Variants in UNC5D observed in about 807,000 individuals in gnomAD.
UNC5D encodes the protein netrin receptor UNC5D.
UNC5D carries 39 observed loss-of-function variants against 105.4 expected under a neutral mutation model. The observed-to-expected ratio is 0.37, with a 90% CI of 0.29 to 0.48. The LOEUF (loss-of-function observed/expected upper bound fraction) is 0.48. UNC5D is among the 20% of genes least tolerant of loss of function. The pLI is 0.98. For synonymous variants in UNC5D, 452 were observed against 450.4 expected, an observed-to-expected ratio of 1.00 and a Z score of -0.04; for missense variants, 991 against 1,202.4, an observed-to-expected ratio of 0.82 and a Z score of 2.60.
rs1803230739 is a variant in UNC5D at position 35,795,786 on chromosome 8, A to G, written c.*5223A>G. 6.6e-6 allele frequency: 1 copy of G among 152,186 alleles called. No individual in the cohort carries two copies. The allele number at this position is 152,186 out of a possible 1,614,324, so 9.4% of individuals were successfully genotyped here. A position where few individuals can be genotyped will look rare whatever the true frequency, so the allele number is the denominator to read the frequency against. On this transcript the variant is annotated 3_prime_UTR_variant, in exon 17 of 17. Coordinates refer to ENST00000404895, the MANE Select transcript of UNC5D (RefSeq NM_080872.4). ...CAGAATCTGGGAATTTTCTGGTTGG[A>G]AGAACAATGTTCTCCTTTTCCAAAT...
At chr8:35,285,208 G>C (rs1383071751) in intron 1 of UNC5D, among the ~76,000 whole-genome samples, 1 of 152,188 alleles carries the variant, frequency 6.6e-6, no homozygotes, top group Admixed American at 6.5e-5. Flanking sequence ...CAGTGCAGTA[G>C]TGTCCTTGTT....
At chr8:35,715,344 A>T (rs1304200130) in intron 8 of UNC5D, among the ~76,000 whole-genome samples, 1 of 152,210 alleles carries the variant, frequency 6.6e-6, no homozygotes, top group Non-Finnish European at 1.5e-5. Context: ...CACACAAGGT[A>T]CTATCAATAG....
intron 8 of UNC5D, among the ~76,000 whole-genome samples, chr8:35,706,855 C>T (rs181757265): frequency 3.9e-5 from 6 of 152,246 alleles, no homozygotes; most frequent in East Asian, 1.9e-4. Context: ...GGTTGAGGAG[C>T]TCCTAAGAAT....
intron 11 of UNC5D, among the ~76,000 whole-genome samples, chr8:35,732,803 T>A (rs894655060): frequency 6.6e-6 from 1 of 152,116 alleles, no homozygotes; most frequent in Non-Finnish European, 1.5e-5. Flanking sequence ...GCTCATCACA[T>A]GAGAACCAAC....
chr8:35,523,682 A>G (rs1424252564), intron 1 of UNC5D, among the ~76,000 whole-genome samples: 2 of 115,372 alleles, frequency 1.7e-5, no homozygotes, highest in Non-Finnish European at 3.4e-5. Context: ...GGCTTGAATT[A>G]TTTAATTTGA....
chr8:35,687,301 G>C (rs1165790054), intron 7 of UNC5D, among the ~76,000 whole-genome samples: 2 of 152,182 alleles, frequency 1.3e-5, no homozygotes, highest in South Asian at 4.1e-4. Flanking sequence ...AATTAGCCAG[G>C]CGTGGTGGTG....
At chr8:35,562,593 AAT>A (rs1586138714) in intron 2 of UNC5D, among the ~76,000 whole-genome samples, 1 of 151,922 alleles carries the variant, frequency 6.6e-6, no homozygotes, top group East Asian at 1.9e-4. Flanking sequence ...GCTATTTTAA[AAT>A]ATATATTTTT....
chr8:35,249,939 A>G (rs1803579215), intron 1 of UNC5D, among the ~76,000 whole-genome samples: 1 of 151,846 alleles, frequency 6.6e-6, no homozygotes, highest in Admixed American at 6.6e-5. Context: ...TTTTTTTTCA[A>G]AATTGCAGAA....
At chr8:35,721,625 A>G (rs1308925691) in intron 8 of UNC5D, among the ~76,000 whole-genome samples, 1 of 152,214 alleles carries the variant, frequency 6.6e-6, no homozygotes, top group Non-Finnish European at 1.5e-5. Context: ...ATTCTCTCAT[A>G]ATGACTGTAT....
chr8:35,601,157 A>G (rs1054434280), intron 4 of UNC5D, among the ~76,000 whole-genome samples: 1 of 151,870 alleles, frequency 6.6e-6, no homozygotes, highest in Non-Finnish European at 1.5e-5. Context: ...CCATTGTTCT[A>G]TATCTCGGTT....
At chr8:35,633,583 A>C (rs376521790) in intron 4 of UNC5D, among the ~76,000 whole-genome samples, 2 of 152,000 alleles carry the variant, frequency 1.3e-5, no homozygotes, top group African/African-American at 4.8e-5. Flanking sequence ...CCTCATCTCT[A>C]CAAAAAAAAA....
At chr8:35,636,310 A>G (rs1428904633) in intron 4 of UNC5D, among the ~76,000 whole-genome samples, 1 of 152,212 alleles carries the variant, frequency 6.6e-6, no homozygotes, top group Non-Finnish European at 1.5e-5. Context: ...AAAATTAAAC[A>G]ACAAAAGGTT....
At chr8:35,441,447 C>A (rs533829598) in intron 1 of UNC5D, among the ~76,000 whole-genome samples, 1 of 151,776 alleles carries the variant, frequency 6.6e-6, no homozygotes, top group Non-Finnish European at 1.5e-5. Context: ...TTGCTATTAT[C>A]CACAGTTTCA....
chr8:35,311,047 A>G, intron 1 of UNC5D, among the ~76,000 whole-genome samples: 1 of 152,228 alleles, frequency 6.6e-6, no homozygotes, highest in Non-Finnish European at 1.5e-5. Flanking sequence ...GAATAAAGTC[A>G]TCATAGGACT....
At chr8:35,566,242 ATC>A (rs10580235) in intron 2 of UNC5D, among the ~76,000 whole-genome samples, 36,092 of 152,016 alleles carry the variant, frequency 0.24, 6,273 homozygotes, top group African/African-American at 0.48. Flanking sequence ...GGCCATGACC[ATC>A]TCTCATCACA....
intron 4 of UNC5D, among the ~76,000 whole-genome samples, chr8:35,622,560 C>T (rs1821425852): frequency 6.6e-6 from 1 of 151,958 alleles, no homozygotes; most frequent in Non-Finnish European, 1.5e-5. Flanking sequence ...AATAAAATGC[C>T]CTTAAGGATG....
chr8:35,397,910 C>A (rs185211186), intron 1 of UNC5D, among the ~76,000 whole-genome samples: 10 of 152,298 alleles, frequency 6.6e-5, no homozygotes, highest in Admixed American at 5.2e-4. Flanking sequence ...CAAAGCCCAG[C>A]GTCCAGATTA....
chr8:35,629,388 GT>G (rs891481657), intron 4 of UNC5D, among the ~76,000 whole-genome samples: 38 of 151,216 alleles, frequency 2.5e-4, no homozygotes, highest in African/African-American at 8.7e-4. Flanking sequence ...TTTTTAATGG[GT>G]TTTTTTTTCT....
At chr8:35,325,227 G>A (rs1810056126) in intron 1 of UNC5D, among the ~76,000 whole-genome samples, 2 of 152,112 alleles carry the variant, frequency 1.3e-5, no homozygotes, top group African/African-American at 4.8e-5. Context: ...ACTTTTAAAC[G>A]TGATTTTTAA....
Sources: allele counts gnomAD v4.1 joint callset (sites outside exome capture counted in the v4.1 genomes callset), GRCh38; gene constraint gnomAD v4.1.1; transcripts MANE v1.5; gene names NCBI Gene and HGNC (gene_info 2026-07-23, HGNC 2026-07-21).